Variants in LRP1B observed in about 807,000 individuals in gnomAD.
LRP1B encodes LDL receptor related protein 1B, also known as low-density lipoprotein receptor-related protein 1B.
Under a neutral mutation model 556.6 loss-of-function variants are expected in LRP1B, and 217 were observed. That is an observed-to-expected ratio of 0.39 (90% CI 0.35 to 0.44). LRP1B has a LOEUF of 0.44. LRP1B is among the 20% of genes least tolerant of loss of function. The pLI is 1.00. For synonymous variants in LRP1B, 2,047 were observed against 1,865.8 expected, an observed-to-expected ratio of 1.10 and a Z score of -2.50; for missense variants, 5,053 against 5,620.8, an observed-to-expected ratio of 0.90 and a Z score of 3.23.
intron 41 of LRP1B, among the ~76,000 whole-genome samples, chr2:140,642,998 A>G (rs2105303493): frequency 6.6e-6 from 1 of 152,294 alleles, no homozygotes; most frequent in Non-Finnish European, 1.5e-5. Context: ...TTGTGATGAA[A>G]ATGTTTTAAA....
At chr2:141,067,941 TTGAG>T (rs544401979) in intron 7 of LRP1B, among the ~76,000 whole-genome samples, 147 of 152,056 alleles carry the variant, frequency 9.7e-4, no homozygotes, top group Non-Finnish European at 1.8e-3. Context: ...CATGTCTCCC[TTGAG>T]TGAGGGATTC....
intron 2 of LRP1B, among the ~76,000 whole-genome samples, chr2:141,771,370 T>C (rs1488731213): frequency 6.6e-6 from 1 of 152,182 alleles, no homozygotes. Flanking sequence ...TGAATCTAAT[T>C]GGCTTTTACA....
chr2:140,926,056 C>CTTTTTTTTTT (rs70991119), intron 20 of LRP1B, among the ~76,000 whole-genome samples: 2 of 86,012 alleles, frequency 2.3e-5, no homozygotes, highest in African/African-American at 3.2e-5. Context: ...TGGAGATTTT[C>CTTTTTTTTTT]TTTTTTTTTT....
intron 32 of LRP1B, among the ~76,000 whole-genome samples, chr2:140,803,933 G>A (rs1384522351): frequency 7.2e-6 from 1 of 139,298 alleles, no homozygotes; most frequent in Non-Finnish European, 1.5e-5. Flanking sequence ...AGAGCCTAGG[G>A]CAGACAGAGT....
chr2:140,370,893 A>T (rs1330480533), intron 70 of LRP1B, 51 bp from the exon 71 acceptor site: 1 of 1,584,872 alleles, frequency 6.3e-7, no homozygotes, highest in Non-Finnish European at 8.6e-7. Flanking sequence ...TAATGATACA[A>T]TCATGGGCAA....
At chr2:141,301,794 G>A (rs145731441) in intron 3 of LRP1B, among the ~76,000 whole-genome samples, 42 of 152,172 alleles carry the variant, frequency 2.8e-4, no homozygotes, top group South Asian at 1.5e-3. Context: ...GGAAGGAGCC[G>A]GCAGCATTTT....
intron 2 of LRP1B, among the ~76,000 whole-genome samples, chr2:141,652,079 C>G (rs1473530783): frequency 6.6e-6 from 1 of 152,130 alleles, no homozygotes; most frequent in East Asian, 1.9e-4. Flanking sequence ...CACACAACTT[C>G]CCTCAATTTT....
At chr2:141,686,796 G>A (rs1456262832) in intron 2 of LRP1B, among the ~76,000 whole-genome samples, 1 of 151,956 alleles carries the variant, frequency 6.6e-6, no homozygotes, top group Non-Finnish European at 1.5e-5. Flanking sequence ...TAGATTAAAG[G>A]GTTAATGGGT....
intron 14 of LRP1B, among the ~76,000 whole-genome samples, chr2:141,011,397 T>G (rs1697744577): frequency 6.6e-6 from 1 of 152,040 alleles, no homozygotes; most frequent in African/African-American, 2.4e-5. Context: ...TTCAGCTGCT[T>G]TGATCAATGT....
chr2:141,103,790 A>T (rs1700529941), intron 7 of LRP1B, among the ~76,000 whole-genome samples: 1 of 151,610 alleles, frequency 6.6e-6, no homozygotes, highest in Non-Finnish European at 1.5e-5. Context: ...TATATAATAG[A>T]TATATTATAA....
intron 23 of LRP1B, 64 bp from the exon 24 acceptor site, chr2:140,886,399 G>A (rs1362485997): frequency 2.5e-5 from 20 of 796,460 alleles, no homozygotes; most frequent in Non-Finnish European, 3.9e-6. Flanking sequence ...AAATGCTTGG[G>A]ATCAAAATAT....
intron 41 of LRP1B, 114 bp from the exon 42 acceptor site, chr2:140,601,753 TC>T: frequency 3.4e-6 from 2 of 579,846 alleles, no homozygotes; most frequent in Non-Finnish European, 5.4e-6. Context: ...CAACCATTTC[TC>T]CACAAAATCT....
intron 3 of LRP1B, among the ~76,000 whole-genome samples, chr2:141,467,227 CAATTACGTGGGT>C (rs1389326678): frequency 6.6e-6 from 1 of 150,916 alleles, no homozygotes; most frequent in Non-Finnish European, 1.5e-5. Context: ...CTATGACAGC[CAATTACGTGGGT>C]AATAGACAGT....
intron 2 of LRP1B, among the ~76,000 whole-genome samples, chr2:141,592,400 A>G (rs1354571156): frequency 6.6e-6 from 1 of 152,156 alleles, no homozygotes; most frequent in Non-Finnish European, 1.5e-5. Flanking sequence ...GTGTCTTCAC[A>G]TGGTATAAGG....
intron 20 of LRP1B, among the ~76,000 whole-genome samples, chr2:140,937,225 G>T (rs1337346510): frequency 6.6e-6 from 1 of 151,948 alleles, no homozygotes; most frequent in Non-Finnish European, 1.5e-5. Flanking sequence ...GGAAACAAAT[G>T]GTAAAATGAC....
chr2:141,934,712 A>T (rs1700588286), intron 1 of LRP1B, among the ~76,000 whole-genome samples: 1 of 152,096 alleles, frequency 6.6e-6, no homozygotes, highest in African/African-American at 2.4e-5. Context: ...TGATCGTTTT[A>T]TAAGGGGATT....
At chr2:141,070,960 A>C (rs1188344849) in intron 7 of LRP1B, among the ~76,000 whole-genome samples, 1 of 152,174 alleles carries the variant, frequency 6.6e-6, no homozygotes, top group Non-Finnish European at 1.5e-5. Flanking sequence ...TTCTGAAACT[A>C]TTCCAATCCA....
chr2:141,811,896 G>A (rs1297440111), intron 1 of LRP1B, among the ~76,000 whole-genome samples: 2 of 152,062 alleles, frequency 1.3e-5, no homozygotes, highest in African/African-American at 4.8e-5. Flanking sequence ...ACCACAGGAA[G>A]AGACAGGCTG....
intron 3 of LRP1B, among the ~76,000 whole-genome samples, chr2:141,362,887 C>T (rs1342313901): frequency 1.3e-5 from 2 of 151,300 alleles, no homozygotes; most frequent in Admixed American, 1.3e-4. Flanking sequence ...ATAGTTCATT[C>T]ATTCATTTAT....
Sources: allele counts gnomAD v4.1 joint callset (sites outside exome capture counted in the v4.1 genomes callset), GRCh38; gene constraint gnomAD v4.1.1; transcripts MANE v1.5; gene names NCBI Gene and HGNC (gene_info 2026-07-23, HGNC 2026-07-21).